PLPP4: variants seen among roughly 807,000 people sequenced by gnomAD.
PLPP4 encodes the protein phospholipid phosphatase 4.
In PLPP4, 20 loss-of-function variants were observed where a neutral mutation model predicts 32.2. The ratio of observed to expected loss-of-function variants is 0.62; its 90% CI spans 0.44 to 0.90. The LOEUF (loss-of-function observed/expected upper bound fraction) is 0.90. Among genes scored for constraint, PLPP4 ranks in the 40% least tolerant of loss-of-function variants. The pLI, the probability that PLPP4 is intolerant of heterozygous loss-of-function variation, is 0.00. For missense variants in PLPP4, 257 were observed against 353.1 expected, an observed-to-expected ratio of 0.73 and a Z score of 2.18; for synonymous variants, 127 against 133.0, an observed-to-expected ratio of 0.95 and a Z score of 0.31.
chr10:120,561,643 C>CA (rs1302502001), intron 5 of PLPP4, among the ~76,000 whole-genome samples: 1 of 152,168 alleles, frequency 6.6e-6, no homozygotes, highest in Non-Finnish European at 1.5e-5. Flanking sequence ...GCTTAAAACT[C>CA]AAAGGGCTTC....
intron 3 of PLPP4, 108 bp from the exon 4 acceptor site, chr10:120,518,725 T>C (rs1297177898): frequency 1.2e-6 from 1 of 864,142 alleles, no homozygotes; most frequent in Non-Finnish European, 1.8e-6. Flanking sequence ...ATTTCTCTGG[T>C]CATTAAATAG....
At position 120,513,910 on chromosome 10, in the gene PLPP4, G is replaced by C; in HGVS notation, c.166-1G>C. 6.2e-7 allele frequency: 1 copy of C among 1,612,804 alleles called. No individual in the cohort carries two copies. The highest frequency in any genetic ancestry group is 8.5e-7 in the Non-Finnish European group (1 of 1,178,854). On this transcript the variant is annotated splice_acceptor_variant, in intron 2 of 6. Transcript: ENST00000398250. LOFTEE classifies it high-confidence loss of function. Reference sequence around the variant, plus strand: ...AAGGGATTGTTTGTTATTTCTTCCAGGCAATTTCTTTCCTCACACCCCTGG... The same window carrying C: ...AAGGGATTGTTTGTTATTTCTTCCACGCAATTTCTTTCCTCACACCCCTGG...
intron 5 of PLPP4, among the ~76,000 whole-genome samples, chr10:120,531,644 T>C (rs1846728168): frequency 6.6e-6 from 1 of 152,170 alleles, no homozygotes; most frequent in Non-Finnish European, 1.5e-5. Flanking sequence ...ATTTTTTTCA[T>C]ATCAGTATTC....
intron 5 of PLPP4, among the ~76,000 whole-genome samples, chr10:120,542,991 G>C (rs1323756825): frequency 6.6e-6 from 1 of 152,234 alleles, no homozygotes; most frequent in Non-Finnish European, 1.5e-5. Context: ...TGTGCATGTA[G>C]AAGGAGATTA....
chr10:120,456,963 C>T (rs1410364699), upstream of PLPP4: 1 of 154,144 alleles, frequency 6.5e-6, no homozygotes, highest in Non-Finnish European at 1.4e-5. This position sits in a 1 kb window ranked among gnomAD's most constrained non-coding sequence, Gnocchi z 4.1. Context: ...CCGGGCTTCC[C>T]CTCCCCGGTC....
intron 5 of PLPP4, among the ~76,000 whole-genome samples, chr10:120,537,601 C>A (rs912371580): frequency 2.0e-5 from 3 of 152,068 alleles, no homozygotes; most frequent in African/African-American, 7.2e-5. Flanking sequence ...TGAATAAATT[C>A]TGAAAACCTA....
intron 5 of PLPP4, among the ~76,000 whole-genome samples, chr10:120,532,649 A>G (rs2133940377): frequency 6.6e-6 from 1 of 152,242 alleles, no homozygotes; most frequent in Non-Finnish European, 1.5e-5. Context: ...CTCTATCCCC[A>G]GACCTAAACA....
At chr10:120,555,634 A>G (rs1245992699) in intron 5 of PLPP4, among the ~76,000 whole-genome samples, 1 of 152,214 alleles carries the variant, frequency 6.6e-6, no homozygotes, top group East Asian at 1.9e-4. Flanking sequence ...GGGTGCAGAG[A>G]CAGAAAGAGC....
chr10:120,465,859 G>A (rs1427268957), intron 1 of PLPP4, among the ~76,000 whole-genome samples: 3 of 152,100 alleles, frequency 2.0e-5, no homozygotes, highest in South Asian at 4.1e-4. Context: ...TTTGTTGAAT[G>A]TGTTTTTGAG....
chr10:120,499,678 G>C (rs1343512605), intron 1 of PLPP4, among the ~76,000 whole-genome samples: 1 of 152,134 alleles, frequency 6.6e-6, no homozygotes, highest in African/African-American at 2.4e-5. Context: ...GGAAATGCTA[G>C]CTCTAAGGTC....
intron 1 of PLPP4, among the ~76,000 whole-genome samples, chr10:120,488,835 G>A (rs148052375): frequency 3.1e-4 from 47 of 152,318 alleles, no homozygotes; most frequent in South Asian, 1.4e-3. Context: ...ATTATGGTTA[G>A]AAGTTTAAGT....
intron 5 of PLPP4, among the ~76,000 whole-genome samples, chr10:120,566,475 C>T (rs1408619626): frequency 6.6e-6 from 1 of 151,818 alleles, no homozygotes; most frequent in Non-Finnish European, 1.5e-5. Context: ...CCACATAGCA[C>T]AAAGATGGAG....
intron 5 of PLPP4, among the ~76,000 whole-genome samples, chr10:120,559,568 T>C (rs1048868133): frequency 7.2e-5 from 11 of 152,178 alleles, no homozygotes; most frequent in Non-Finnish European, 1.2e-4. Context: ...GTATGTACAG[T>C]TGACCCTTGA....
chr10:120,507,178 G>A (rs1285540889), intron 2 of PLPP4, among the ~76,000 whole-genome samples: 2 of 152,122 alleles, frequency 1.3e-5, no homozygotes, highest in Non-Finnish European at 2.9e-5. Context: ...GCCTGCTGTG[G>A]GTAAAGAAAA....
At chr10:120,494,340 A>T (rs1375154166) in intron 1 of PLPP4, among the ~76,000 whole-genome samples, 1 of 152,240 alleles carries the variant, frequency 6.6e-6, no homozygotes, top group Non-Finnish European at 1.5e-5. Flanking sequence ...AGATGAGGCA[A>T]CTGAGGCCTG....
At chr10:120,560,814 T>C (rs1848398824) in intron 5 of PLPP4, among the ~76,000 whole-genome samples, 1 of 152,138 alleles carries the variant, frequency 6.6e-6, no homozygotes, top group Non-Finnish European at 1.5e-5. Context: ...TGAAATTATT[T>C]TTGCACCAAC....
intron 3 of PLPP4, among the ~76,000 whole-genome samples, chr10:120,514,777 A>T (rs564045659): frequency 1.3e-5 from 2 of 152,306 alleles, no homozygotes; most frequent in African/African-American, 2.4e-5. Flanking sequence ...GACCGTGAGA[A>T]AAACCAAATC....
At chr10:120,490,417 C>T (rs1429959611) in intron 1 of PLPP4, among the ~76,000 whole-genome samples, 1 of 152,196 alleles carries the variant, frequency 6.6e-6, no homozygotes, top group South Asian at 2.1e-4. Flanking sequence ...AAAAAACAGC[C>T]CCTGCCATTC....
chr10:120,483,569 TAGAAG>T (rs1844309589), intron 1 of PLPP4, among the ~76,000 whole-genome samples: 1 of 152,204 alleles, frequency 6.6e-6, no homozygotes, highest in South Asian at 2.1e-4. Context: ...GGCCCTGGAA[TAGAAG>T]ATTCTGTGAT....
Sources: gnomAD v4.1 joint callset for allele counts (sites outside exome capture counted in the v4.1 genomes callset) on GRCh38, gnomAD v4.1.1 for gene constraint, Gnocchi (gnomAD v3.1) non-coding constraint, MANE v1.5 for transcripts, NCBI Gene and HGNC (gene_info 2026-07-23, HGNC 2026-07-21) for gene names.